LPIN1: variants seen among roughly 807,000 people sequenced by gnomAD.
The protein encoded by LPIN1 is lipin 1.
A neutral mutation model predicts 107.5 loss-of-function variants in LPIN1; 71 were observed. That is an observed-to-expected ratio of 0.66 (90% CI 0.55 to 0.80). The LOEUF is 0.80. LPIN1 is among the 30% of genes least tolerant of loss of function. The pLI is 0.00. For missense variants in LPIN1, 1,043 were observed against 1,160.6 expected (o/e 0.90, Z 1.47); for synonymous variants, 445 against 452.6 (o/e 0.98, Z 0.21).
At chr2:11,695,550 G>A (rs1014749573) in intron 1 of LPIN1, among the ~76,000 whole-genome samples, 1 of 152,180 alleles carries the variant, frequency 6.6e-6, no homozygotes, top group Admixed American at 6.5e-5. Flanking sequence ...TGAGGGGGAG[G>A]GGAGGAGCAG....
chr2:11,814,174 G>A (rs1297140852), intron 17 of LPIN1, among the ~76,000 whole-genome samples: 1 of 152,104 alleles, frequency 6.6e-6, no homozygotes, highest in African/African-American at 2.4e-5. Context: ...CTGAGGAGGA[G>A]AACACCCGGA....
chr2:11,804,443 T>A lies in LPIN1; in HGVS notation c.2034T>A (p.Asn678Lys), dbSNP rs1343528352. 8 of 1,614,098 alleles carry A rather than the reference T, an allele frequency of 5.0e-6. No homozygotes were observed. Among genetic ancestry groups the A allele is most frequent in the Non-Finnish European group, 6.8e-6 (8 of 1,180,044 alleles). Residue 678 changes from asparagine (N) to lysine (K), a missense_variant, in exon 16 of 21, where the codon AAT (asparagine) becomes AAA (lysine). Coordinates refer to ENST00000674199, the MANE Select transcript of LPIN1 (RefSeq NM_001349206.2). ...SEQLKSLKLKNGPNDVVFSVT... is the reference protein window; with the variant it reads ...SEQLKSLKLKKGPNDVVFSVT... ...TTCAGAAAAGCTTGAAGTTGAAGAA[T>A]GGCCCCAACGACGTGGTTTTCAGTG...
chr2:11,689,613 A>G (rs1365498059), intron 1 of LPIN1, among the ~76,000 whole-genome samples: 1 of 152,210 alleles, frequency 6.6e-6, no homozygotes, highest in Non-Finnish European at 1.5e-5. Flanking sequence ...AGCTTTTGAA[A>G]ACATACCTAT....
At chr2:11,762,297 T>A (rs963747171) in intron 1 of LPIN1, among the ~76,000 whole-genome samples, 1 of 152,110 alleles carries the variant, frequency 6.6e-6, no homozygotes, top group East Asian at 1.9e-4. Flanking sequence ...CTGCCACGCG[T>A]TCACCAACCT....
intron 13 of LPIN1, among the ~76,000 whole-genome samples, chr2:11,793,800 CTA>C (rs1438207680): frequency 2.0e-5 from 3 of 152,276 alleles, no homozygotes; most frequent in South Asian, 2.1e-4. Context: ...ACTAGCGTGA[CTA>C]TTTGATGAAC....
intron 1 of LPIN1, among the ~76,000 whole-genome samples, chr2:11,736,637 TTTC>T (rs1462803471): frequency 6.6e-6 from 1 of 152,252 alleles, no homozygotes; most frequent in Non-Finnish European, 1.5e-5. Flanking sequence ...CCAAAAATGT[TTTC>T]TTCTTTGGTA....
chr2:11,790,964 C>G (rs184340796), intron 12 of LPIN1, among the ~76,000 whole-genome samples: 12 of 151,580 alleles, frequency 7.9e-5, no homozygotes, highest in African/African-American at 2.7e-4. Flanking sequence ...TTTTTCCTTT[C>G]TTTGGCCTGC....
chr2:11,781,390 C>A (rs1361733927), intron 7 of LPIN1, among the ~76,000 whole-genome samples: 1 of 152,224 alleles, frequency 6.6e-6, no homozygotes, highest in Non-Finnish European at 1.5e-5. Context: ...TAGTTGTAAC[C>A]ACAGATTTTC....
At chr2:11,758,767 T>C (rs757371461) in intron 1 of LPIN1, among the ~76,000 whole-genome samples, 3 of 152,210 alleles carry the variant, frequency 2.0e-5, no homozygotes, top group Admixed American at 2.0e-4. Flanking sequence ...GGTAGGAAAA[T>C]ACTCCAGACC....
In LPIN1 at chr2:11,795,431, G is replaced by A. The variant is rs1226837989; in HGVS notation, c.1830G>A (p.Leu610=). ...IKEESKPEQC[L]AGKAHSTGEQ... is the part of the protein sequence containing the mutation. Reference sequence around the variant, plus strand: ...AGGAAAGTAAGCCAGAGCAGTGCTTGGCTGGCAAGGCCCATAGCACCGGAG... The same window carrying A: ...AGGAAAGTAAGCCAGAGCAGTGCTTAGCTGGCAAGGCCCATAGCACCGGAG... Residue 610 remains leucine (L), a synonymous_variant, in exon 14 of 21, where the codon TTG becomes TTA. Transcript: ENST00000674199. 1 of 1,613,950 alleles carries A rather than the reference G, an allele frequency of 6.2e-7. No homozygotes were observed. Among genetic ancestry groups the A allele is most frequent in the Non-Finnish European group, 8.5e-7 (1 of 1,180,002 alleles).
At chr2:11,823,523 ACT>A (rs2148741410) in intron 20 of LPIN1, among the ~76,000 whole-genome samples, 1 of 123,612 alleles carries the variant, frequency 8.1e-6, no homozygotes, top group African/African-American at 3.3e-5. Flanking sequence ...AAATATACAC[ACT>A]CGGCTTCATT....
upstream of LPIN1, chr2:11,746,527 C>G (rs1467687768): frequency 2.7e-6 from 1 of 371,476 alleles, no homozygotes; most frequent in Non-Finnish European, 3.7e-6. Flanking sequence ...ACCAGCGCGT[C>G]CCGAGTCCCC....
chr2:11,785,627 A>G (rs886304680), intron 10 of LPIN1, among the ~76,000 whole-genome samples: 2 of 152,064 alleles, frequency 1.3e-5, no homozygotes, highest in Non-Finnish European at 2.9e-5. Flanking sequence ...TGGGGACTAG[A>G]CACAGTGGCC....
At chr2:11,798,214 C>T (rs889314438) in intron 14 of LPIN1, among the ~76,000 whole-genome samples, 28 of 152,138 alleles carry the variant, frequency 1.8e-4, no homozygotes, top group Admixed American at 1.8e-3. Context: ...TTATAAATTA[C>T]CCAGTCTTGG....
At position 11,776,187 on chromosome 2, in the gene LPIN1, C is replaced by A. The variant is rs1048061286; in HGVS notation, c.824C>A (p.Ser275Ter). 1 of 1,533,848 alleles carries A rather than the reference C, an allele frequency of 6.5e-7. No individual in the cohort carries two copies. The highest frequency in any genetic ancestry group is 2.0e-5 in the Admixed American group (1 of 50,734). ...CPPQSSLFHPSESPSGSRPST... is the reference protein window; with the variant it reads ...CPPQSSLFHP ...CCACAGTCTTCCCTGTTCCATCCTT[C>A]GGAAAGGTAGAGGAGTTATTTTCCC... The change falls in exon 6 of 21, where the codon TCG becomes TAG. Residue 275 changes from serine to a stop codon, truncating the protein, a stop_gained. Coordinates refer to ENST00000674199, the MANE Select transcript of LPIN1 (RefSeq NM_001349206.2). LOFTEE classifies it high-confidence loss of function.
At chr2:11,823,441 T>C (rs962605176) in intron 20 of LPIN1, among the ~76,000 whole-genome samples, 10 of 152,254 alleles carry the variant, frequency 6.6e-5, no homozygotes, top group African/African-American at 2.4e-4. Context: ...CTTGGTTTTG[T>C]ATTAGGAGAC....
intron 1 of LPIN1, chr2:11,763,010 C>T (rs1284357575): frequency 1.3e-5 from 2 of 152,350 alleles, no homozygotes; most frequent in Admixed American, 6.5e-5. Context: ...GCAAATCCTT[C>T]CTGTTTGGGC....
At chr2:11,805,245 G>C in intron 17 of LPIN1, 89 bp downstream of exon 17, 1 of 1,067,820 alleles carries the variant, frequency 9.4e-7, no homozygotes, top group East Asian at 2.4e-5. Flanking sequence ...TCCCAGCACG[G>C]GGTGACTTGC....
chr2:11,680,415 TG>T (rs1479186051), intron 1 of LPIN1, among the ~76,000 whole-genome samples: 1 of 151,710 alleles, frequency 6.6e-6, no homozygotes, highest in Non-Finnish European at 1.5e-5. Flanking sequence ...AGCTCTGTGG[TG>T]GGGTAACGGG....
Sources: allele counts gnomAD v4.1 joint callset (sites outside exome capture counted in the v4.1 genomes callset), GRCh38; gene constraint gnomAD v4.1.1; transcripts MANE v1.5; gene names NCBI Gene and HGNC (gene_info 2026-07-23, HGNC 2026-07-21).